Variants in SCAI observed in about 807,000 individuals in gnomAD.
SCAI encodes protein SCAI.
A neutral mutation model predicts 92.2 loss-of-function variants in SCAI; 24 were observed. The observed-to-expected ratio is 0.26, with a 90% CI of 0.19 to 0.37. The LOEUF is 0.37. Among genes scored for constraint, SCAI ranks in the 10% least tolerant of loss-of-function variants. SCAI has a pLI of 1.00. For missense variants in SCAI, 450 were observed against 736.2 expected, an observed-to-expected ratio of 0.61 and a Z score of 4.50; for synonymous variants, 261 against 258.6, an observed-to-expected ratio of 1.01 and a Z score of -0.09.
Position 125,142,672 on chromosome 9 carries a change from G to A in SCAI, c.59C>T (p.Thr20Ile), listed in dbSNP as rs1159211400. Reference protein sequence around the residue: ...QPRSRLAPRLTGTVEKPPRKR... With the variant: ...QPRSRLAPRLIGTVEKPPRKR... The stretch of plus-strand genomic sequence containing the variant: ...TCGAGGCGGTTTCTCCACTGTGCCA[G>A]TCAGTCTGCAGACCAAACAAATAAG... Residue 20 changes from threonine to isoleucine, a missense_variant, in exon 2 of 18, where the codon ACT becomes ATT. Physicochemically the swap from Thr to Ile is moderately conservative, Grantham distance 89. This residue lies in a region of SCAI where 70 missense variants were observed against 66.3 expected (regional missense o/e 1.06). Transcript: ENST00000336505. The A allele has an allele frequency of 6.2e-7, 1 of 1,613,556 alleles. No homozygotes were observed. The highest frequency in any genetic ancestry group is 1.3e-5 in the African/African-American group (1 of 75,030).
chr9:125,035,833 G>A (rs757448521), intron 3 of SCAI, among the ~76,000 whole-genome samples: 2 of 152,192 alleles, frequency 1.3e-5, no homozygotes, highest in African/African-American at 2.4e-5. Flanking sequence ...CAAGGCAGGA[G>A]GATCATTTGA....
At chr9:125,132,919 C>T (rs997781149) in intron 2 of SCAI, among the ~76,000 whole-genome samples, 6 of 151,954 alleles carry the variant, frequency 3.9e-5, no homozygotes, top group African/African-American at 7.3e-5. Context: ...AAGCCAAGAT[C>T]GCACCACTGC....
At chr9:125,010,089 G>A (rs889645522) in intron 9 of SCAI, among the ~76,000 whole-genome samples, 2 of 152,196 alleles carry the variant, frequency 1.3e-5, no homozygotes, top group African/African-American at 2.4e-5. Flanking sequence ...CCGGCCTACA[G>A]CTCCCAGGGT....
In SCAI at chr9:124,981,653, A is replaced by C. The variant is rs1029448908; in HGVS notation, c.1327-5467T>G. ...CCTATCGACATAGTTTATAGTATTA[A>C]ATTTTTTTTTTTTTTAGTCAAGGTC... is the stretch of plus-strand genomic sequence containing the variant. On this transcript the variant is annotated intron_variant, in intron 14 of 17. Transcript: ENST00000336505. Among the ~76,000 whole-genome samples, 5 of 151,834 alleles carry C rather than the reference A, an allele frequency of 3.3e-5. No individual in the cohort carries two copies. The East Asian group carries it at 9.6e-4, about 29-fold the overall frequency.
intron 2 of SCAI, among the ~76,000 whole-genome samples, chr9:125,061,553 G>A (rs1397050907): frequency 6.6e-6 from 1 of 152,166 alleles, no homozygotes; most frequent in African/African-American, 2.4e-5. Context: ...GAGTCCAGAA[G>A]TTAGAGATCA....
chr9:124,971,226 A>G, intron 17 of SCAI, 144 bp downstream of exon 17: 1 of 475,750 alleles, frequency 2.1e-6, no homozygotes, highest in Non-Finnish European at 3.7e-6. Flanking sequence ...GACCAGTGTG[A>G]CGGTACATTT....
chr9:124,977,974 AT>A (rs992485811), intron 14 of SCAI, among the ~76,000 whole-genome samples: 24 of 152,088 alleles, frequency 1.6e-4, no homozygotes, highest in Non-Finnish European at 2.8e-4. Flanking sequence ...AAAAATAATT[AT>A]TTTTTTTACC....
At chr9:125,077,780 G>C (rs987699679) in intron 2 of SCAI, among the ~76,000 whole-genome samples, 4 of 152,098 alleles carry the variant, frequency 2.6e-5, no homozygotes, top group African/African-American at 9.7e-5. Context: ...GTTTAGTGGT[G>C]CAATCTTGGC....
In SCAI at chr9:125,142,694, T is replaced by C; in HGVS notation, c.54-17A>G. The C allele has an allele frequency of 6.2e-7, 1 of 1,611,178 alleles. No individual in the cohort carries two copies. The highest frequency in any genetic ancestry group is 8.5e-7 in the Non-Finnish European group (1 of 1,177,504). ...CCAGTCAGTCTGCAGACCAAACAAA[T>C]AAGACGGTAACTAAAAGTAACATAC... On this transcript the variant is annotated splice_polypyrimidine_tract_variant and intron_variant, in intron 1 of 17. Transcript: ENST00000336505.
intron 2 of SCAI, among the ~76,000 whole-genome samples, chr9:125,088,069 A>C (rs1834359252): frequency 6.6e-6 from 1 of 152,184 alleles, no homozygotes; most frequent in Non-Finnish European, 1.5e-5. Context: ...TTTTGTTGAT[A>C]CGTCAATAGA....
chr9:124,964,388 GT>G (rs1831499897), intron 17 of SCAI, among the ~76,000 whole-genome samples: 1 of 152,098 alleles, frequency 6.6e-6, no homozygotes, highest in Admixed American at 6.6e-5. Flanking sequence ...TTCCTTGATT[GT>G]CACAAATCCT....
At chr9:125,142,573 G>A in intron 2 of SCAI, 60 bp downstream of exon 2, 1 of 1,247,972 alleles carries the variant, frequency 8.0e-7, no homozygotes, top group Non-Finnish European at 1.2e-6. Flanking sequence ...ATGCAGTACG[G>A]CACAGGTGCA....
chr9:124,967,609 C>G (rs1356298351), intron 17 of SCAI, among the ~76,000 whole-genome samples: 1 of 151,748 alleles, frequency 6.6e-6, no homozygotes, highest in Non-Finnish European at 1.5e-5. Flanking sequence ...TTTTTGCATT[C>G]TTGTAGCAGC....
At position 124,957,775 on chromosome 9, in the gene SCAI, G is replaced by A. The variant is rs1165641506; in HGVS notation, c.1675-4822C>T. On this transcript the variant is annotated intron_variant, in intron 17 of 17. Transcript: ENST00000336505. Reference sequence around the variant, plus strand: ...CGGCTCACCACAACCTCCGCCTCCCGGGATCAAGTGATTCTCCCTGCCTCA... The same window carrying A: ...CGGCTCACCACAACCTCCGCCTCCCAGGATCAAGTGATTCTCCCTGCCTCA... Among the ~76,000 whole-genome samples, 11 of 149,612 alleles carry A rather than the reference G, an allele frequency of 7.4e-5. 1 individual carries two copies. The highest frequency in any genetic ancestry group is 6.4e-4 in the South Asian group (3 of 4,694).
In SCAI at chr9:125,001,979, C is replaced by T. The variant is rs775009298; in HGVS notation, c.1130G>A (p.Arg377His). 47 of 1,612,014 alleles carry T rather than the reference C, an allele frequency of 2.9e-5. No individual in the cohort carries two copies. Among genetic ancestry groups the T allele is most frequent in the South Asian group, 1.1e-4 (10 of 91,030 alleles). Residue 377 changes from arginine (R) to histidine (H), a missense_variant, in exon 12 of 18, where the codon CGT becomes CAT. By Grantham distance (29) the Arg-to-His change is conservative (BLOSUM62 0). This residue lies in a region of SCAI where 360 missense variants were observed against 601.8 expected (regional missense o/e 0.60). Transcript: ENST00000336505. ...CTTTATTGTACCTTCACTATCAGAA[C>T]GACCTGTGGGGAAAACGCCAGTGGC... The part of the protein sequence containing the change: ...LSATGVFPTG[R>H]SDSEGPYDFG...
chr9:124,988,896 T>G (rs1466373962), intron 14 of SCAI, among the ~76,000 whole-genome samples: 1 of 152,072 alleles, frequency 6.6e-6, no homozygotes, highest in African/African-American at 2.4e-5. Flanking sequence ...TCCCAGAACT[T>G]TGGGAGGCTG....
In SCAI at chr9:125,059,053, C is replaced by T. The variant is rs376810271; in HGVS notation, c.99-3046G>A. ...TAGTGAATGGGATAGTTTCAGAATA[C>T]TTCCCCCATAAACTACACATTACTT... is the stretch of plus-strand genomic sequence containing the variant. On this transcript the variant is annotated intron_variant, in intron 2 of 17. Coordinates refer to ENST00000336505, the MANE Select transcript of SCAI (RefSeq NM_001144877.3). Among the ~76,000 whole-genome samples, 5 of 152,280 alleles carry T rather than the reference C, an allele frequency of 3.3e-5. No homozygotes were observed. The East Asian group carries it at 9.6e-4, about 29-fold the overall frequency.
chr9:125,035,555 A>C (rs76996495), intron 3 of SCAI, among the ~76,000 whole-genome samples: 1,775 of 152,268 alleles, frequency 0.012, 20 homozygotes, highest in Non-Finnish European at 0.016. Context: ...TACAGAGTAA[A>C]CTTTATGCCT....
intron 2 of SCAI, among the ~76,000 whole-genome samples, chr9:125,070,244 A>C (rs960100610): frequency 6.6e-6 from 1 of 152,156 alleles, no homozygotes; most frequent in Non-Finnish European, 1.5e-5. Context: ...TATAAACAGA[A>C]TAGCTACCAC....
Sources: allele counts gnomAD v4.1 joint callset (sites outside exome capture counted in the v4.1 genomes callset), GRCh38; gene constraint gnomAD v4.1.1; regional missense constraint gnomAD v4.1.1; transcripts MANE v1.5; gene names NCBI Gene and HGNC (gene_info 2026-07-23, HGNC 2026-07-21).